The following PLXNA4 variants were observed in gnomAD, a reference collection of about 807,000 sequenced individuals.
PLXNA4 encodes plexin-A4.
PLXNA4 carries 44 observed loss-of-function variants against 191.8 expected under a neutral mutation model. That is an observed-to-expected ratio of 0.23 (90% CI 0.18 to 0.29). The LOEUF is 0.29. Among genes scored for constraint, PLXNA4 ranks in the 10% least tolerant of loss-of-function variants. PLXNA4 has a pLI of 1.00. For missense variants in PLXNA4, 1,800 were observed against 2,488.8 expected (o/e 0.72, Z 5.89); for synonymous variants, 1,082 against 1,009.5 (o/e 1.07, Z -1.36).
At chr7:132,310,259 A>G (rs1357825392) in intron 3 of PLXNA4, among the ~76,000 whole-genome samples, 1 of 152,262 alleles carries the variant, frequency 6.6e-6, no homozygotes, top group Non-Finnish European at 1.5e-5. Flanking sequence ...CACCTGATAC[A>G]TGCAATATAC....
At chr7:132,240,802 A>G (rs540903127) in intron 5 of PLXNA4, among the ~76,000 whole-genome samples, 112 of 152,352 alleles carry the variant, frequency 7.4e-4, no homozygotes, top group Non-Finnish European at 1.3e-3. Flanking sequence ...ATGATTGCCC[A>G]GCATGACAAC....
chr7:132,266,729 A>C (rs1447058556), intron 4 of PLXNA4, among the ~76,000 whole-genome samples: 4 of 152,224 alleles, frequency 2.6e-5, no homozygotes, highest in African/African-American at 9.6e-5. Context: ...TTTCTGCATA[A>C]GCATCGACCT....
chr7:132,245,833 T>C (rs1799030251), intron 4 of PLXNA4, among the ~76,000 whole-genome samples: 1 of 152,122 alleles, frequency 6.6e-6, no homozygotes, highest in African/African-American at 2.4e-5. Context: ...AAGCCAGACA[T>C]AAAAGGACAA....
intron 1 of PLXNA4, among the ~76,000 whole-genome samples, chr7:132,534,365 G>A (rs1279515858): frequency 6.6e-6 from 1 of 152,146 alleles, no homozygotes; most frequent in African/African-American, 2.4e-5. Context: ...TCTGTGAGAG[G>A]GCCCATGAAA....
At chr7:132,645,030 C>A (rs976860868) in intron 2 of PLXNA4, among the ~76,000 whole-genome samples, 2 of 152,210 alleles carry the variant, frequency 1.3e-5, no homozygotes, top group African/African-American at 2.4e-5. Flanking sequence ...GGTCAGGAAG[C>A]ACTGGGATGC....
At chr7:132,281,150 T>C (rs10215137) in intron 4 of PLXNA4, among the ~76,000 whole-genome samples, 100,676 of 152,084 alleles carry the variant, frequency 0.66, 35,493 homozygotes, top group African/African-American at 0.9. Flanking sequence ...TTAATACATT[T>C]GTTTAGCACT....
intron 1 of PLXNA4, among the ~76,000 whole-genome samples, chr7:132,545,959 C>T (rs1800287938): frequency 6.6e-6 from 1 of 152,214 alleles, no homozygotes; most frequent in African/African-American, 2.4e-5. Context: ...AACCAACCCC[C>T]AAAACTGACC....
chr7:132,636,784 T>A (rs915659993), intron 2 of PLXNA4, among the ~76,000 whole-genome samples: 1 of 152,184 alleles, frequency 6.6e-6, no homozygotes, highest in Non-Finnish European at 1.5e-5. Flanking sequence ...TTCATTCTCT[T>A]CCTGAAATGC....
rs571450843 is a variant in PLXNA4 at position 132,445,574 on chromosome 7, T to C, written c.1371+43718A>G. ...TGAGCAAATCATGGTCACAGCTATGTAGCTTTGACATTCACTTCTAGATAG... is the reference window on the plus strand; with the variant it reads ...TGAGCAAATCATGGTCACAGCTATGCAGCTTTGACATTCACTTCTAGATAG... On this transcript the variant is annotated intron_variant, in intron 3 of 31. Transcript: ENST00000321063. 2.6e-5 allele frequency among the ~76,000 whole-genome samples: 4 copies of C among 152,248 alleles called. No homozygotes were observed. In the South Asian group the frequency reaches 8.3e-4, roughly 32 times the overall value.
chr7:132,268,071 A>G (rs1002395355), intron 4 of PLXNA4, among the ~76,000 whole-genome samples: 8 of 152,226 alleles, frequency 5.3e-5, no homozygotes, highest in African/African-American at 1.4e-4. Context: ...TTGTCCCGTA[A>G]GCAAGTGCCA....
chr7:132,345,700 G>A (rs186097405), intron 3 of PLXNA4, among the ~76,000 whole-genome samples: 1 of 152,278 alleles, frequency 6.6e-6, no homozygotes, highest in Admixed American at 6.5e-5. Context: ...GGGCCCCAGG[G>A]GCTCCAGTGT....
At chr7:132,203,225 G>A (rs970924364) in intron 11 of PLXNA4, 98 bp downstream of exon 11, 28 of 1,093,624 alleles carry the variant, frequency 2.6e-5, no homozygotes, top group Middle Eastern at 2.5e-4. Flanking sequence ...ACTAGGAGGC[G>A]GGGGCAGAAT....
chr7:132,542,051 G>T (rs1489093926), intron 1 of PLXNA4, among the ~76,000 whole-genome samples: 1 of 152,138 alleles, frequency 6.6e-6, no homozygotes, highest in Non-Finnish European at 1.5e-5. Flanking sequence ...GAAATAGGTG[G>T]TACATGACAG....
At chr7:132,475,291 T>C (rs1797079792) in intron 3 of PLXNA4, among the ~76,000 whole-genome samples, 1 of 152,156 alleles carries the variant, frequency 6.6e-6, no homozygotes, top group Non-Finnish European at 1.5e-5. Context: ...AGGAAGCACA[T>C]TGATTTCCCA....
intron 1 of PLXNA4, among the ~76,000 whole-genome samples, chr7:132,567,267 A>T (rs1801774255): frequency 6.6e-6 from 1 of 152,038 alleles, no homozygotes; most frequent in East Asian, 1.9e-4. Context: ...AGTCTTTGGA[A>T]TGTTCTGCTA....
intron 3 of PLXNA4, among the ~76,000 whole-genome samples, chr7:132,340,337 G>A (rs1802978910): frequency 6.6e-6 from 1 of 152,218 alleles, no homozygotes; most frequent in South Asian, 2.1e-4. Flanking sequence ...AGATACAGAG[G>A]ATGTGTGAAA....
At chr7:132,582,520 T>C (rs1353051025) in intron 2 of PLXNA4, among the ~76,000 whole-genome samples, 2 of 152,098 alleles carry the variant, frequency 1.3e-5, no homozygotes, top group African/African-American at 4.8e-5. Flanking sequence ...AAAAAAGACA[T>C]TTTAGCTCCC....
At chr7:132,563,105 CCT>C (rs1801385534) in intron 1 of PLXNA4, among the ~76,000 whole-genome samples, 1 of 104,560 alleles carries the variant, frequency 9.6e-6, no homozygotes, top group Non-Finnish European at 2.0e-5. Context: ...TCCTCCTCCT[CCT>C]CTCCCTCCTC....
intron 3 of PLXNA4, among the ~76,000 whole-genome samples, chr7:132,342,708 A>G (rs1002891764): frequency 3.3e-5 from 5 of 152,100 alleles, no homozygotes; most frequent in Non-Finnish European, 2.9e-5. Flanking sequence ...GCACTTAGGG[A>G]GGCTGAGGTG....
Sources: allele counts gnomAD v4.1 joint callset (sites outside exome capture counted in the v4.1 genomes callset), GRCh38; gene constraint gnomAD v4.1.1; transcripts MANE v1.5; gene names NCBI Gene and HGNC (gene_info 2026-07-23, HGNC 2026-07-21).